LRRTM4: variants seen among roughly 807,000 people sequenced by gnomAD.
LRRTM4 encodes the protein leucine rich repeat transmembrane neuronal 4.
In LRRTM4, 25 loss-of-function variants were observed where a neutral mutation model predicts 47.6. The observed-to-expected ratio is 0.53, with a 90% CI of 0.38 to 0.73. The LOEUF (loss-of-function observed/expected upper bound fraction) is 0.73. Among genes scored for constraint, LRRTM4 ranks in the 30% least tolerant of loss-of-function variants. The pLI is 0.00. For synonymous variants in LRRTM4, 311 were observed against 269.5 expected (o/e 1.15, Z -1.51); for missense variants, 638 against 713.4 (o/e 0.89, Z 1.20).
intron 3 of LRRTM4, among the ~76,000 whole-genome samples, chr2:77,365,207 A>ATGTT (rs1388429609): frequency 6.6e-6 from 1 of 152,070 alleles, no homozygotes. Flanking sequence ...TACCCAGAAC[A>ATGTT]TGTTTACTGA....
chr2:76,930,084 CAG>C (rs1249198552), intron 3 of LRRTM4, among the ~76,000 whole-genome samples: 2 of 151,972 alleles, frequency 1.3e-5, no homozygotes, highest in Non-Finnish European at 2.9e-5. Flanking sequence ...AGTATTGTAT[CAG>C]TTTCAGGCTC....
At chr2:76,920,092 TA>T (rs1674385795) in intron 3 of LRRTM4, among the ~76,000 whole-genome samples, 1 of 152,170 alleles carries the variant, frequency 6.6e-6, no homozygotes, top group South Asian at 2.1e-4. Context: ...TTTTGCCATA[TA>T]ATTCTTTTAA....
At chr2:77,441,550 G>A (rs1055496650) in intron 3 of LRRTM4, among the ~76,000 whole-genome samples, 2 of 152,038 alleles carry the variant, frequency 1.3e-5, no homozygotes, top group African/African-American at 4.8e-5. Context: ...TCCTCTCTGT[G>A]AGTCTCCCTG....
chr2:76,852,041 A>G (rs974078767), intron 3 of LRRTM4, among the ~76,000 whole-genome samples: 1 of 151,984 alleles, frequency 6.6e-6, no homozygotes, highest in Non-Finnish European at 1.5e-5. Context: ...TTTTTTTCTA[A>G]TCCTGTTCAG....
intron 3 of LRRTM4, among the ~76,000 whole-genome samples, chr2:76,912,110 G>C (rs1444487352): frequency 6.6e-6 from 1 of 151,990 alleles, no homozygotes; most frequent in African/African-American, 2.4e-5. Context: ...TAGTAGACAG[G>C]AGGTTTCACC....
intron 3 of LRRTM4, among the ~76,000 whole-genome samples, chr2:77,245,667 C>A (rs1288445769): frequency 1.3e-5 from 2 of 151,174 alleles, no homozygotes; most frequent in Non-Finnish European, 2.9e-5. Context: ...AAGCAACTTG[C>A]ATTTTTTCTT....
chr2:77,032,353 C>T (rs1234205307), intron 3 of LRRTM4, among the ~76,000 whole-genome samples: 1 of 152,050 alleles, frequency 6.6e-6, no homozygotes, highest in Non-Finnish European at 1.5e-5. Context: ...TATTCTATTT[C>T]CCTGTTAATT....
chr2:77,094,150 C>CA (rs1186241481), intron 3 of LRRTM4, among the ~76,000 whole-genome samples: 1 of 151,646 alleles, frequency 6.6e-6, no homozygotes, highest in Non-Finnish European at 1.5e-5. Context: ...ACACCACCAA[C>CA]AAAAAAAGCA....
At chr2:77,089,472 C>T (rs1019808071) in intron 3 of LRRTM4, among the ~76,000 whole-genome samples, 4 of 151,638 alleles carry the variant, frequency 2.6e-5, no homozygotes, top group Admixed American at 2.6e-4. Context: ...TATTTCCGTG[C>T]CCCGACCTCT....
intron 3 of LRRTM4, chr2:77,517,583 C>T: frequency 1.0e-6 from 1 of 984,206 alleles, no homozygotes; most frequent in Non-Finnish European, 1.2e-6. Context: ...TGCATAAAAA[C>T]CTTTGAAATC....
chr2:76,990,734 A>AAT (rs1362382962), intron 3 of LRRTM4, among the ~76,000 whole-genome samples: 6 of 151,656 alleles, frequency 4.0e-5, no homozygotes, highest in African/African-American at 9.7e-5. Context: ...GTGCATAGGC[A>AAT]GATCATTGAG....
chr2:77,074,204 G>A (rs968762675), intron 3 of LRRTM4, among the ~76,000 whole-genome samples: 23 of 152,016 alleles, frequency 1.5e-4, no homozygotes, highest in South Asian at 4.1e-4. Flanking sequence ...TATCATATCT[G>A]CATTTATACT....
intron 3 of LRRTM4, among the ~76,000 whole-genome samples, chr2:77,304,839 G>A (rs1203806859): frequency 6.6e-6 from 1 of 151,628 alleles, no homozygotes; most frequent in Non-Finnish European, 1.5e-5. Flanking sequence ...ACCTTTTTTG[G>A]GATCACACAG....
intron 3 of LRRTM4, among the ~76,000 whole-genome samples, chr2:77,282,070 C>A (rs1676520819): frequency 6.6e-6 from 1 of 151,834 alleles, no homozygotes; most frequent in Non-Finnish European, 1.5e-5. Context: ...AATCCATGAG[C>A]ATGTAATGCT....
chr2:77,308,168 T>A (rs1677345057), intron 3 of LRRTM4, among the ~76,000 whole-genome samples: 1 of 148,618 alleles, frequency 6.7e-6, no homozygotes, highest in Non-Finnish European at 1.5e-5. Flanking sequence ...TGCTTCTGCA[T>A]AGGTAAAGGA....
chr2:77,489,941 C>A (rs1442248266), intron 3 of LRRTM4, among the ~76,000 whole-genome samples: 1 of 152,134 alleles, frequency 6.6e-6, no homozygotes, highest in Non-Finnish European at 1.5e-5. Flanking sequence ...ATCCCTTATG[C>A]CTGTTTTGTT....
At chr2:77,196,108 T>C (rs569663469) in intron 3 of LRRTM4, among the ~76,000 whole-genome samples, 1 of 152,238 alleles carries the variant, frequency 6.6e-6, no homozygotes, top group Non-Finnish European at 1.5e-5. Context: ...TAATGGTATA[T>C]TTGTTTGGTT....
intron 3 of LRRTM4, among the ~76,000 whole-genome samples, chr2:76,941,545 ATGAG>A (rs1402323319): frequency 6.7e-6 from 1 of 149,696 alleles, no homozygotes; most frequent in South Asian, 2.1e-4. Flanking sequence ...ACTCCCACTT[ATGAG>A]TGAGAACATG....
intron 3 of LRRTM4, among the ~76,000 whole-genome samples, chr2:77,406,876 CA>C (rs563158188): frequency 3.3e-5 from 5 of 152,030 alleles, no homozygotes; most frequent in Admixed American, 2.0e-4. Context: ...AATATGACCA[CA>C]AAAAAATACG....
Sources: allele counts gnomAD v4.1 joint callset (sites outside exome capture counted in the v4.1 genomes callset), GRCh38; gene constraint gnomAD v4.1.1; transcripts MANE v1.5; gene names NCBI Gene and HGNC (gene_info 2026-07-23, HGNC 2026-07-21).